RAP1B: variants seen among roughly 807,000 people sequenced by gnomAD.
RAP1B encodes the protein RAP1B, member of RAS oncogene family, also known as ras-related protein Rap-1b.
RAP1B carries 1 observed loss-of-function variant against 27.5 expected under a neutral mutation model. The observed-to-expected ratio is 0.04, with a 90% CI of 0.01 to 0.17. The LOEUF (loss-of-function observed/expected upper bound fraction) is 0.17, where lower values mean the gene tolerates loss of function less well. RAP1B is among the 10% of genes least tolerant of loss of function. RAP1B has a pLI of 1.00. For synonymous variants in RAP1B, 75 were observed against 73.1 expected (o/e 1.03, Z -0.13); for missense variants, 84 against 214.8 (o/e 0.39, Z 3.81).
At chr12:68,632,160 T>TCC (rs1309232041) in intron 1 of RAP1B, among the ~76,000 whole-genome samples, 44 of 144,806 alleles carry the variant, frequency 3.0e-4, no homozygotes, top group African/African-American at 1.0e-3. Context: ...GTTTTTTTTT[T>TCC]CCAGACTGTT....
Position 68,615,697 on chromosome 12 carries a change from G to A in RAP1B, c.-27+4654G>A, listed in dbSNP as rs116015032. On this transcript the variant is annotated intron_variant, in intron 1 of 7. Coordinates refer to ENST00000250559, the MANE Select transcript of RAP1B (RefSeq NM_001010942.3). ...AGAGAGTAATTATTTAATCTTGTGA[G>A]TTTGAGTTTTATATCAAACCATTTC... Among the ~76,000 whole-genome samples, 1,071 of 152,110 alleles carry A rather than the reference G, an allele frequency of 7.0e-3. 15 individuals carry two copies. The highest frequency in any genetic ancestry group is 0.024 in the African/African-American group (1,003 of 41,480).
At chr12:68,642,847 TG>T in intron 1 of RAP1B, 1 of 989,004 alleles carries the variant, frequency 1.0e-6, no homozygotes, top group Non-Finnish European at 1.6e-6. Context: ...CGATAACCGG[TG>T]GATTCTCAGG....
At chr12:68,659,166 G>C (rs1434029190) in intron 7 of RAP1B, 114 bp from the exon 8 acceptor site, 1 of 428,442 alleles carries the variant, frequency 2.3e-6, no homozygotes, top group Admixed American at 2.7e-5. Flanking sequence ...CCTAGAACAA[G>C]AGCCTAGATT....
chr12:68,630,920 C>T (rs779145314), intron 1 of RAP1B, among the ~76,000 whole-genome samples: 27 of 151,824 alleles, frequency 1.8e-4, no homozygotes, highest in Non-Finnish European at 4.4e-5. Context: ...CCACCGCATC[C>T]AGCCTGAATT....
At chr12:68,644,340 C>T (rs1436109536) in intron 1 of RAP1B, among the ~76,000 whole-genome samples, 3 of 152,102 alleles carry the variant, frequency 2.0e-5, no homozygotes, top group African/African-American at 7.2e-5. Flanking sequence ...CCTGTAATCC[C>T]AGCACTTTGG....
At chr12:68,654,325 T>A (rs1874035214) in intron 5 of RAP1B, 73 bp downstream of exon 5, 6 of 407,232 alleles carry the variant, frequency 1.5e-5, no homozygotes, top group Non-Finnish European at 2.4e-5. Context: ...AAATTTAAAT[T>A]CATTTTAAAG....
intron 1 of RAP1B, among the ~76,000 whole-genome samples, chr12:68,640,064 C>G (rs1007561303): frequency 6.6e-6 from 1 of 152,126 alleles, no homozygotes; most frequent in Non-Finnish European, 1.5e-5. Flanking sequence ...TGGTCTCCAT[C>G]TCCTGACCTC....
intron 1 of RAP1B, among the ~76,000 whole-genome samples, chr12:68,616,360 C>T (rs184257751): frequency 2.4e-3 from 369 of 151,958 alleles, no homozygotes; most frequent in African/African-American, 8.6e-3. Flanking sequence ...TCTCAGTTCA[C>T]CACAGCCTCC....
chr12:68,650,364 T>C (rs1347742519), intron 2 of RAP1B, 36 bp from the exon 3 acceptor site: 1 of 1,488,048 alleles, frequency 6.7e-7, no homozygotes, highest in East Asian at 2.4e-5. Flanking sequence ...TACTCTTTTC[T>C]TTAGAAGTAT....
chr12:68,655,801 G>C (rs887273074), intron 5 of RAP1B, among the ~76,000 whole-genome samples: 1 of 152,202 alleles, frequency 6.6e-6, no homozygotes, highest in African/African-American at 2.4e-5. Context: ...CTCCCAAAGT[G>C]CTGGGATTAC....
intron 1 of RAP1B, chr12:68,642,803 G>T: frequency 1.9e-6 from 2 of 1,034,024 alleles, no homozygotes; most frequent in Admixed American, 1.7e-5. Flanking sequence ...CACCAAACCG[G>T]CCTTGGCCAC....
At position 68,671,524 on chromosome 12, in the gene RAP1B, C is replaced by T. The variant is rs544446273; in HGVS notation, c.*12275C>T. The T allele has an allele frequency of 1.3e-5, 2 of 152,052 alleles. No homozygotes were observed. The highest frequency in any genetic ancestry group is 2.1e-4 in the South Asian group (1 of 4,792). 9.4% of individuals were successfully genotyped at this position (152,052 alleles called of 1,614,324 possible). A position where few individuals can be genotyped will look rare whatever the true frequency, so the allele number is the denominator to read the frequency against. On this transcript the variant is annotated 3_prime_UTR_variant, in exon 8 of 8. Coordinates refer to ENST00000250559, the MANE Select transcript of RAP1B (RefSeq NM_001010942.3). ...TTAAAGGTTGACTTAGAAGGATTCC[C>T]GTGCAAAGTGAACAAAACAGAATAC...
At chr12:68,634,625 T>C (rs1401302867) in intron 1 of RAP1B, among the ~76,000 whole-genome samples, 1 of 151,832 alleles carries the variant, frequency 6.6e-6, no homozygotes, top group Non-Finnish European at 1.5e-5. Context: ...GGTCTCTCCT[T>C]TTTTAAAAAA....
rs1304947382 is a variant in RAP1B at position 68,670,158 on chromosome 12, A to C, written c.*10909A>C. 6.6e-6 allele frequency: 1 copy of C among 151,254 alleles called. No homozygotes were observed. Among genetic ancestry groups the C allele is most frequent in the African/African-American group, 2.4e-5 (1 of 41,104 alleles). The allele number at this position is 151,254 out of a possible 1,614,324, so 9.4% of individuals were successfully genotyped here. On this transcript the variant is annotated 3_prime_UTR_variant, in exon 8 of 8. Transcript: ENST00000250559. Reference sequence around the variant, plus strand: ...TCCATGTTGGTCAGGCTAGTTGCGAACTCCCAACCTCAGGTCATCTGCCCG... The same window carrying C: ...TCCATGTTGGTCAGGCTAGTTGCGACCTCCCAACCTCAGGTCATCTGCCCG...
intron 2 of RAP1B, chr12:68,649,124 TCTCA>T: frequency 5.3e-6 from 1 of 189,936 alleles, no homozygotes; most frequent in African/African-American, 2.4e-5. Context: ...TGAAACAGGG[TCTCA>T]CTCTGTTGCC....
rs1874604546 is a variant in RAP1B, at chr12:68,661,745, T to C, written c.*2496T>C. Reference sequence around the variant, plus strand: ...AGGGAGGTGAACTTGGAGGGCAAAATCACCCTGGTGAAGAACTACTGCTCT... The same window carrying C: ...AGGGAGGTGAACTTGGAGGGCAAAACCACCCTGGTGAAGAACTACTGCTCT... On this transcript the variant is annotated 3_prime_UTR_variant, in exon 8 of 8. Coordinates refer to ENST00000250559, the MANE Select transcript of RAP1B (RefSeq NM_001010942.3). The C allele has an allele frequency of 6.6e-6, 1 of 151,910 alleles. No individual in the cohort carries two copies. Among genetic ancestry groups the C allele is most frequent in the African/African-American group, 2.4e-5 (1 of 41,322 alleles). The allele number at this position is 151,910 out of a possible 1,614,324, so 9.4% of individuals were successfully genotyped here.
At position 68,662,442 on chromosome 12, in the gene RAP1B, G is replaced by A. The variant is rs1435939066; in HGVS notation, c.*3193G>A. The stretch of plus-strand genomic sequence containing the variant: ...AATAGCTCATCTTTACCATATGTGG[G>A]CATTACAAATAGAAATTTTTAAAAT... On this transcript the variant is annotated 3_prime_UTR_variant, in exon 8 of 8. Transcript: ENST00000250559. 1.3e-5 allele frequency: 2 copies of A among 151,138 alleles called. No individual in the cohort carries two copies. The highest frequency in any genetic ancestry group is 2.9e-5 in the Non-Finnish European group (2 of 67,888). 9.4% of individuals were successfully genotyped at this position (151,138 alleles called of 1,614,324 possible).
At chr12:68,652,977 A>T (rs552867499) in intron 4 of RAP1B, among the ~76,000 whole-genome samples, 1 of 152,146 alleles carries the variant, frequency 6.6e-6, no homozygotes, top group Non-Finnish European at 1.5e-5. Flanking sequence ...TGGGAGGTCA[A>T]AGGGGGGTGG....
At chr12:68,616,649 G>C (rs1397349614) in intron 1 of RAP1B, among the ~76,000 whole-genome samples, 2 of 151,552 alleles carry the variant, frequency 1.3e-5, no homozygotes, top group African/African-American at 4.9e-5. Context: ...GGTCAGGCTG[G>C]TCTCGAATTC....
Sources: allele counts gnomAD v4.1 joint callset (sites outside exome capture counted in the v4.1 genomes callset), GRCh38; gene constraint gnomAD v4.1.1; transcripts MANE v1.5; gene names NCBI Gene and HGNC (gene_info 2026-07-23, HGNC 2026-07-21).